The following THOC1 variants were observed in gnomAD, a reference collection of about 807,000 sequenced individuals.
THOC1 encodes the protein THO complex 1.
Under a neutral mutation model 97.3 loss-of-function variants are expected in THOC1, and 29 were observed. The observed-to-expected ratio is 0.30, with a 90% confidence interval of 0.22 to 0.41. THOC1 has a LOEUF of 0.41. Ranked by LOEUF, THOC1 falls within the 10% of genes least tolerant of loss-of-function variation. The pLI is 1.00. For missense variants in THOC1, 529 were observed against 761.9 expected, an observed-to-expected ratio of 0.69 and a Z score of 3.60; for synonymous variants, 255 against 257.0, an observed-to-expected ratio of 0.99 and a Z score of 0.07.
chr18:248,389 G>A (rs1194914360), intron 9 of THOC1, among the ~76,000 whole-genome samples: 1 of 152,150 alleles, frequency 6.6e-6, no homozygotes, highest in African/African-American at 2.4e-5. Flanking sequence ...AGGAAAAAGG[G>A]CAAACACCAA....
At chr18:222,452 G>A (rs902384822) in intron 17 of THOC1, among the ~76,000 whole-genome samples, 2 of 152,094 alleles carry the variant, frequency 1.3e-5, no homozygotes, top group African/African-American at 4.8e-5. Flanking sequence ...TTTTTTAGTT[G>A]AAATGTTGAA....
At chr18:232,899 C>T (rs979902090) in intron 11 of THOC1, among the ~76,000 whole-genome samples, 4 of 152,068 alleles carry the variant, frequency 2.6e-5, no homozygotes, top group Non-Finnish European at 5.9e-5. Context: ...ATCATCTTTT[C>T]AGTTTTCCAT....
chr18:227,442 A>G (rs923058744), intron 11 of THOC1, among the ~76,000 whole-genome samples: 3 of 152,200 alleles, frequency 2.0e-5, no homozygotes, highest in Non-Finnish European at 4.4e-5. Context: ...GTAGCCCTAT[A>G]AAGTGCCTGC....
At position 216,504 on chromosome 18, in the gene THOC1, C is replaced by T. The variant is rs770373739; in HGVS notation, c.1584G>A (p.Lys528=). 1 of 1,613,794 alleles carries T rather than the reference C, an allele frequency of 6.2e-7. No individual in the cohort carries two copies. ...TACTTACCGGTAATTCCTTGGCTAG[C>T]TTTATTACCATATTTTCAAGATATT... ...LPEYLENMVI[K]LAKELPPPSE... Residue 528 remains lysine, a synonymous_variant, in exon 19 of 21, where the codon AAG becomes AAA. Transcript: ENST00000261600.
rs777283405 is a variant in THOC1, at chr18:216,492, T to C, written c.1596A>G (p.Glu532=). 2 of 1,613,294 alleles carry C rather than the reference T, an allele frequency of 1.2e-6. No individual in the cohort carries two copies. The highest frequency in any genetic ancestry group is 1.7e-5 in the Admixed American group (1 of 59,984). The change falls in exon 19 of 21, where the codon GAA becomes GAG. Residue 532 remains glutamate (E), a synonymous_variant. Coordinates refer to ENST00000261600, the MANE Select transcript of THOC1 (RefSeq NM_005131.3). The part of the protein sequence containing the change: ...LENMVIKLAK[E]LPPPSEEIKT... ...GTTGATCTATGGTACTTACCGGTAA[T>C]TCCTTGGCTAGCTTTATTACCATAT...
intron 16 of THOC1, 28 bp downstream of exon 16, chr18:224,056 C>T: frequency 1.4e-6 from 2 of 1,400,846 alleles, no homozygotes; most frequent in South Asian, 2.4e-5. Flanking sequence ...TAACTAAGAA[C>T]ATCCCACATG....
chr18:266,997 TTATACG>T (rs985341799), intron 1 of THOC1, among the ~76,000 whole-genome samples: 8 of 132,916 alleles, frequency 6.0e-5, no homozygotes, highest in African/African-American at 2.0e-4. Context: ...TATATATATA[TTATACG>T]TATACGTATA....
At chr18:260,109 A>T (rs77929570) in intron 5 of THOC1, 77 bp downstream of exon 5, 31,250 of 127,722 alleles carry the variant, frequency 0.24, 690 homozygotes, top group African/African-American at 0.3. Context: ...AAATAAATTT[A>T]AAAAAAAAAA....
chr18:248,041 A>G, intron 9 of THOC1, 84 bp from the exon 10 acceptor site: 1 of 895,652 alleles, frequency 1.1e-6, no homozygotes, highest in Non-Finnish European at 1.7e-6. Flanking sequence ...TTTGGTCACA[A>G]ACCGTTTTCA....
At chr18:235,542 C>G (rs1369521258) in intron 11 of THOC1, among the ~76,000 whole-genome samples, 3 of 152,110 alleles carry the variant, frequency 2.0e-5, no homozygotes, top group African/African-American at 7.2e-5. Context: ...CCTATAATTA[C>G]AATTTTGATA....
intron 11 of THOC1, among the ~76,000 whole-genome samples, chr18:235,303 G>T (rs1297264076): frequency 6.6e-6 from 1 of 151,984 alleles, no homozygotes; most frequent in Admixed American, 6.6e-5. Context: ...TCTTTTCAAA[G>T]AAACACTTTC....
At chr18:226,748 CT>C (rs953920523) in intron 12 of THOC1, 52 bp downstream of exon 12, 61 of 1,378,912 alleles carry the variant, frequency 4.4e-5, no homozygotes, top group Non-Finnish European at 5.0e-5. Flanking sequence ...TAAGCAAGTC[CT>C]TTTTTTTCTT....
At position 226,073 on chromosome 18, in the gene THOC1, C is replaced by T. The variant is rs182094342; in HGVS notation, c.1020-670G>A. The T allele has an allele frequency of 2.0e-5, 3 of 152,324 alleles. No individual in the cohort carries two copies. The East Asian group carries it at 5.8e-4, about 29-fold the overall frequency. The allele number at this position is 152,324 out of a possible 1,614,324, so 9.4% of individuals were successfully genotyped here. On this transcript the variant is annotated intron_variant, in intron 12 of 20. Coordinates refer to ENST00000261600, the MANE Select transcript of THOC1 (RefSeq NM_005131.3). Reference sequence around the variant, plus strand: ...CCCTCATCTTCCTACTATGCTATACCAAACCTCCAAAATAGATAGAAGGAT... The same window carrying T: ...CCCTCATCTTCCTACTATGCTATACTAAACCTCCAAAATAGATAGAAGGAT...
intron 15 of THOC1, 32 bp downstream of exon 15, chr18:224,892 A>T (rs1191326124): frequency 6.6e-7 from 1 of 1,517,266 alleles, no homozygotes; most frequent in Middle Eastern, 1.8e-4. Context: ...TGTGATGAGT[A>T]TGTATTTACC....
intron 11 of THOC1, among the ~76,000 whole-genome samples, chr18:232,817 C>T: frequency 6.6e-6 from 1 of 152,102 alleles, no homozygotes; most frequent in Non-Finnish European, 1.5e-5. Flanking sequence ...TTTATCTGCA[C>T]TAGAGATGCT....
Position 248,900 on chromosome 18 carries a change from G to A in THOC1, c.678-943C>T, listed in dbSNP as rs145172066. Among the ~76,000 whole-genome samples the A allele has an allele frequency of 4.7e-3, 712 of 151,958 alleles. 3 individuals carry two copies. Among genetic ancestry groups the A allele is most frequent in the Non-Finnish European group, 6.4e-3 (435 of 67,956 alleles). On this transcript the variant is annotated intron_variant, in intron 9 of 20. Transcript: ENST00000261600. Reference sequence around the variant, plus strand: ...TGAGTAGCTGGGACTACAGGCACCCGCCACCATGCCCGGCTAATTTTTTGT... The same window carrying A: ...TGAGTAGCTGGGACTACAGGCACCCACCACCATGCCCGGCTAATTTTTTGT...
chr18:228,279 C>A (rs552791931), intron 11 of THOC1, among the ~76,000 whole-genome samples: 2 of 152,262 alleles, frequency 1.3e-5, no homozygotes, highest in South Asian at 4.1e-4. Context: ...CTTCCCAGGT[C>A]TCTCGCTCAG....
At chr18:259,152 A>G in intron 7 of THOC1, 28 bp downstream of exon 7, 8 of 1,523,876 alleles carry the variant, frequency 5.2e-6, no homozygotes, top group Non-Finnish European at 6.3e-6. Flanking sequence ...TTTCCTGCAG[A>G]AAACTCATTT....
At chr18:246,201 A>G in intron 11 of THOC1, 123 bp downstream of exon 11, 2 of 786,768 alleles carry the variant, frequency 2.5e-6, no homozygotes, top group Non-Finnish European at 3.9e-6. Flanking sequence ...TTAATCAATC[A>G]GCTTTAACCC....
Sources: allele counts gnomAD v4.1 joint callset (sites outside exome capture counted in the v4.1 genomes callset), GRCh38; gene constraint gnomAD v4.1.1; transcripts MANE v1.5; gene names NCBI Gene and HGNC (gene_info 2026-07-23, HGNC 2026-07-21).